Variants in TASP1 observed in about 807,000 individuals in gnomAD.
TASP1 encodes the protein taspase 1.
In TASP1, 16 loss-of-function variants were observed where a neutral mutation model predicts 56.6. The ratio of observed to expected loss-of-function variants is 0.28; its 90% CI spans 0.19 to 0.43. The LOEUF (loss-of-function observed/expected upper bound fraction) is 0.43, where lower values mean the gene tolerates loss of function less well. Among genes scored for constraint, TASP1 ranks in the 20% least tolerant of loss-of-function variants. The pLI is 1.00. For missense variants in TASP1, 393 were observed against 511.6 expected, an observed-to-expected ratio of 0.77 and a Z score of 2.24; for synonymous variants, 179 against 184.2, an observed-to-expected ratio of 0.97 and a Z score of 0.23.
chr20:13,417,306 T>C (rs1265941229), intron 13 of TASP1, 142 bp downstream of exon 13: 4 of 729,150 alleles, frequency 5.5e-6, no homozygotes, highest in Admixed American at 3.0e-5. Context: ...CATTGTTAAC[T>C]GTTCTTATTC....
At chr20:13,449,417 T>G (rs1024461557) in intron 11 of TASP1, among the ~76,000 whole-genome samples, 1 of 152,156 alleles carries the variant, frequency 6.6e-6, no homozygotes, top group African/African-American at 2.4e-5. Context: ...ACTTTTACTT[T>G]GTGTGGTCAG....
At chr20:13,530,686 C>T (rs1375055600) in intron 9 of TASP1, among the ~76,000 whole-genome samples, 1 of 152,198 alleles carries the variant, frequency 6.6e-6, no homozygotes, top group East Asian at 1.9e-4. Flanking sequence ...TTACCCTTTG[C>T]TCCTTCCCTT....
At chr20:13,145,023 C>T in the TASP1 span, among the ~76,000 whole-genome samples, 1 of 152,094 alleles carries the variant, frequency 6.6e-6, no homozygotes, top group African/African-American at 2.4e-5. Flanking sequence ...GATCCACCTG[C>T]CTCAGCCTCC....
At chr20:13,380,530 C>T in the TASP1 span, among the ~76,000 whole-genome samples, 3 of 152,130 alleles carry the variant, frequency 2.0e-5, no homozygotes, top group African/African-American at 7.2e-5. Flanking sequence ...TTGGTGGTGT[C>T]TCCCAGTCAG....
At chr20:13,470,839 A>G (rs901725824) in intron 11 of TASP1, among the ~76,000 whole-genome samples, 5 of 152,138 alleles carry the variant, frequency 3.3e-5, no homozygotes, top group African/African-American at 1.2e-4. Context: ...GTTGACTTGT[A>G]CCCTCTTAAT....
chr20:13,117,778 C>T, the TASP1 span: 29 of 1,487,762 alleles, frequency 1.9e-5, no homozygotes, highest in Admixed American at 1.2e-4. Flanking sequence ...CTGGGGATGC[C>T]GTGTGTAGGG....
At chr20:13,253,524 C>T in the TASP1 span, among the ~76,000 whole-genome samples, 1 of 152,208 alleles carries the variant, frequency 6.6e-6, no homozygotes, top group Non-Finnish European at 1.5e-5. Flanking sequence ...CTATCAGCCA[C>T]TGTTCCTCAC....
chr20:13,480,662 A>T (rs912369028), intron 11 of TASP1, among the ~76,000 whole-genome samples: 1 of 152,216 alleles, frequency 6.6e-6, no homozygotes, highest in African/African-American at 2.4e-5. Flanking sequence ...CTTAGCATAA[A>T]CCCAAACTTG....
chr20:13,393,833 C>T (rs1216252339), intron 13 of TASP1, among the ~76,000 whole-genome samples: 1 of 151,870 alleles, frequency 6.6e-6, no homozygotes, highest in Non-Finnish European at 1.5e-5. Flanking sequence ...CCTAGGGAGC[C>T]CCACCCTGTT....
chr20:13,439,716 CAGA>C (rs2043148497), intron 11 of TASP1, among the ~76,000 whole-genome samples: 1 of 151,396 alleles, frequency 6.6e-6, no homozygotes. Context: ...GTGTCCTGAG[CAGA>C]AGAAAAGTAA....
chr20:13,111,800 C>G, the TASP1 span, among the ~76,000 whole-genome samples: 1 of 152,204 alleles, frequency 6.6e-6, no homozygotes, highest in East Asian at 1.9e-4. Context: ...ATAAATAGAA[C>G]TTGGCTCCAG....
intron 7 of TASP1, 52 bp from the exon 8 acceptor site, chr20:13,559,166 GCAATGGGT>G: frequency 8.7e-7 from 1 of 1,154,782 alleles, no homozygotes; most frequent in Non-Finnish European, 1.2e-6. Flanking sequence ...AAATATTAGG[GCAATGGGT>G]CAAATAAGAT....
the TASP1 span, among the ~76,000 whole-genome samples, chr20:13,331,719 C>T: frequency 1.4e-5 from 2 of 147,102 alleles, no homozygotes; most frequent in African/African-American, 2.6e-5. Flanking sequence ...GTCCTGGTGA[C>T]TAATACAAAT....
the TASP1 span, among the ~76,000 whole-genome samples, chr20:13,357,937 G>T: frequency 1.3e-5 from 2 of 152,102 alleles, no homozygotes; most frequent in Admixed American, 1.3e-4. Flanking sequence ...GCACGTATAT[G>T]CCCAGATGGC....
chr20:13,341,155 A>T, the TASP1 span, among the ~76,000 whole-genome samples: 4 of 152,230 alleles, frequency 2.6e-5, no homozygotes, highest in African/African-American at 4.8e-5. Flanking sequence ...AAGACTGAGC[A>T]TAGAGTTCTT....
chr20:13,307,391 C>A, the TASP1 span, among the ~76,000 whole-genome samples: 677 of 152,232 alleles, frequency 4.4e-3, 3 homozygotes, highest in African/African-American at 0.015. Context: ...AACATCCATA[C>A]CAACACCAAG....
the TASP1 span, among the ~76,000 whole-genome samples, chr20:13,198,626 A>T: frequency 1.3e-5 from 2 of 152,194 alleles, no homozygotes; most frequent in Non-Finnish European, 2.9e-5. Flanking sequence ...AGGCAAGGCA[A>T]TATCTGGATT....
chr20:13,358,370 G>C, the TASP1 span, among the ~76,000 whole-genome samples: 1 of 152,224 alleles, frequency 6.6e-6, no homozygotes, highest in Non-Finnish European at 1.5e-5. Flanking sequence ...CCTCCCTTGG[G>C]AGATCAATCC....
At chr20:13,286,042 C>T in the TASP1 span, among the ~76,000 whole-genome samples, 1 of 152,192 alleles carries the variant, frequency 6.6e-6, no homozygotes, top group Non-Finnish European at 1.5e-5. Context: ...CAAACTCTAC[C>T]TAGGGGATTT....
Sources: allele counts gnomAD v4.1 joint callset (sites outside exome capture counted in the v4.1 genomes callset), GRCh38; gene constraint gnomAD v4.1.1; transcripts MANE v1.5; gene names NCBI Gene and HGNC (gene_info 2026-07-23, HGNC 2026-07-21).